The following SPATA7 variants were observed in gnomAD, a reference collection of about 807,000 sequenced individuals.
SPATA7 encodes the protein spermatogenesis-associated protein 7.
Under a neutral mutation model 51.8 loss-of-function variants are expected in SPATA7, and 43 were observed. That is an observed-to-expected ratio of 0.83 (90% CI 0.65 to 1.07). The LOEUF is 1.07. Ranked by LOEUF, SPATA7 falls within the 50% of genes least tolerant of loss-of-function variation. The pLI is 0.00. For missense variants in SPATA7, 683 were observed against 701.3 expected, an observed-to-expected ratio of 0.97 and a Z score of 0.30; for synonymous variants, 230 against 252.8, an observed-to-expected ratio of 0.91 and a Z score of 0.86.
chr14:88,436,791 GT>G (rs2140026401), intron 10 of SPATA7, among the ~76,000 whole-genome samples: 1 of 152,202 alleles, frequency 6.6e-6, no homozygotes, highest in South Asian at 2.1e-4. Flanking sequence ...GTCTGTGTCT[GT>G]TTTTATGCCT....
rs775002644 is a variant in SPATA7 at position 88,438,175 on chromosome 14, C to G, written c.1553C>G (p.Ser518Ter). Residue 518 changes from serine to a stop codon, truncating the protein, a stop_gained, in exon 12 of 12, where the codon TCA becomes TGA. Coordinates refer to ENST00000393545, the MANE Select transcript of SPATA7 (RefSeq NM_018418.5). LOFTEE classifies it low-confidence loss of function (END_TRUNC). The stretch of plus-strand genomic sequence containing the variant: ...AATGATGAAACAAATCTTGAAACTT[C>G]AACTTTGGATGAAAATCATCCAAGT... ...QVNDETNLET[S>*]TLDENHPSIS... is the part of the protein sequence containing the mutation. 4 of 1,613,618 alleles carry G rather than the reference C, an allele frequency of 2.5e-6. 1 individual carries two copies. The South Asian group carries it at 4.4e-5, about 18-fold the overall frequency.
chr14:88,428,648 A>G (rs1411647032), intron 7 of SPATA7: 1 of 152,238 alleles, frequency 6.6e-6, no homozygotes, highest in African/African-American at 2.4e-5. Flanking sequence ...GGAAAGAGTT[A>G]GCTTTGCAGA....
intron 4 of SPATA7, among the ~76,000 whole-genome samples, chr14:88,464,136 G>A (rs73329626): frequency 0.038 from 5,772 of 151,938 alleles, 358 homozygotes; most frequent in African/African-American, 0.13. Flanking sequence ...CACCACGACC[G>A]GCCTTCCTCA....
chr14:88,434,614 A>G (rs1297168517), intron 10 of SPATA7, among the ~76,000 whole-genome samples: 1 of 151,352 alleles, frequency 6.6e-6, no homozygotes, highest in Non-Finnish European at 1.5e-5. Flanking sequence ...GAACCCCGCA[A>G]GGCGGAGGTT....
At chr14:88,447,781 ATTCTT>A (rs1356772800) in intron 3 of SPATA7, among the ~76,000 whole-genome samples, 1 of 152,082 alleles carries the variant, frequency 6.6e-6, no homozygotes, top group Non-Finnish European at 1.5e-5. Context: ...TGGGTTGAAA[ATTCTT>A]TTCTTTAAGA....
chr14:88,405,455 A>G (rs1246347131), intron 4 of SPATA7, among the ~76,000 whole-genome samples: 1 of 152,202 alleles, frequency 6.6e-6, no homozygotes, highest in African/African-American at 2.4e-5. Context: ...AATAATCCAG[A>G]TGAGAAATAA....
chr14:88,433,767 G>A (rs1232614857), intron 10 of SPATA7, among the ~76,000 whole-genome samples: 2 of 152,080 alleles, frequency 1.3e-5, no homozygotes, highest in African/African-American at 4.8e-5. Context: ...TTTGTGTTAT[G>A]TAACCTAGGA....
At chr14:88,444,810 T>C (rs991366367) in intron 3 of SPATA7, among the ~76,000 whole-genome samples, 3,953 of 152,304 alleles carry the variant, frequency 0.026, 179 homozygotes, top group African/African-American at 0.09. Flanking sequence ...TGCGGCGTTA[T>C]TTCTGAGGCC....
intron 4 of SPATA7, among the ~76,000 whole-genome samples, chr14:88,405,375 T>A (rs527796681): frequency 5.9e-5 from 9 of 152,234 alleles, no homozygotes; most frequent in Non-Finnish European, 1.3e-4. Flanking sequence ...CTACTTTTAC[T>A]TTTAAAAGCA....
intron 7 of SPATA7, 62 bp downstream of exon 7, chr14:88,427,758 A>G (rs117497856): frequency 1.0e-5 from 12 of 1,185,072 alleles, no homozygotes; most frequent in Non-Finnish European, 1.5e-5. Flanking sequence ...TTCAGTAAAT[A>G]GAATATGTAC....
At chr14:88,462,616 G>A (rs1253724552) in intron 4 of SPATA7, among the ~76,000 whole-genome samples, 1 of 152,116 alleles carries the variant, frequency 6.6e-6, no homozygotes, top group Non-Finnish European at 1.5e-5. Context: ...TAAAATTGTA[G>A]GTCTATTAAC....
chr14:88,448,860 G>A (rs1277658150), intron 3 of SPATA7, among the ~76,000 whole-genome samples: 4 of 152,238 alleles, frequency 2.6e-5, no homozygotes, highest in African/African-American at 4.8e-5. Context: ...CTCCAGCTGC[G>A]TGCTGGGAGA....
chr14:88,461,432 C>G (rs997048286), intron 4 of SPATA7, among the ~76,000 whole-genome samples: 4 of 152,202 alleles, frequency 2.6e-5, no homozygotes, highest in African/African-American at 9.6e-5. Flanking sequence ...CCCAGCCTCG[C>G]TGCCATCTTG....
downstream of SPATA7, among the ~76,000 whole-genome samples, chr14:88,441,004 A>C (rs187336004): frequency 1.5e-3 from 229 of 152,122 alleles, 1 homozygote; most frequent in African/African-American, 4.5e-3. Flanking sequence ...TCAGCCCCCA[A>C]AGTCCATTGT....
chr14:88,431,741 C>G (rs1026259661), intron 9 of SPATA7, among the ~76,000 whole-genome samples: 3 of 152,164 alleles, frequency 2.0e-5, no homozygotes, highest in African/African-American at 7.2e-5. Context: ...GCTTATTTCA[C>G]CAGCATCCAT....
At position 88,411,575 on chromosome 14, in the gene SPATA7, A is replaced by G. The variant is rs539748909; in HGVS notation, c.239-5136A>G. 2.1e-5 allele frequency among the ~76,000 whole-genome samples: 3 copies of G among 142,042 alleles called. No homozygotes were observed. In the South Asian group the frequency reaches 6.2e-4, roughly 30 times the overall value. 93.2% of individuals were successfully genotyped at this position (142,042 alleles called of 152,430 possible). Reference sequence around the variant, plus strand: ...AAGCATAGTATCTGGGCCAGAGTGCACACCGTTCCTCACAGGATAGTCCCT... The same window carrying G: ...AAGCATAGTATCTGGGCCAGAGTGCGCACCGTTCCTCACAGGATAGTCCCT... On this transcript the variant is annotated intron_variant, in intron 4 of 11. Transcript: ENST00000393545.
chr14:88,408,393 A>G (rs2076253325), intron 4 of SPATA7, among the ~76,000 whole-genome samples: 1 of 152,174 alleles, frequency 6.6e-6, no homozygotes, highest in African/African-American at 2.4e-5. Context: ...GAGTTCACTC[A>G]TGATTTGGCT....
chr14:88,458,720 C>A (rs138097250), downstream of SPATA7, among the ~76,000 whole-genome samples: 605 of 151,796 alleles, frequency 4.0e-3, 7 homozygotes, highest in African/African-American at 0.013. Flanking sequence ...TGTGTATCTC[C>A]TTCAGTTGTG....
At chr14:88,405,585 G>C (rs1466454337) in intron 4 of SPATA7, among the ~76,000 whole-genome samples, 4 of 152,172 alleles carry the variant, frequency 2.6e-5, no homozygotes, top group Admixed American at 2.0e-4. Context: ...TAGTGTGAGA[G>C]AGAAAAGAGG....
Sources: allele counts gnomAD v4.1 joint callset (sites outside exome capture counted in the v4.1 genomes callset), GRCh38; gene constraint gnomAD v4.1.1; transcripts MANE v1.5; gene names NCBI Gene and HGNC (gene_info 2026-07-23, HGNC 2026-07-21).